UBOX5: variants seen among roughly 807,000 people sequenced by gnomAD.
UBOX5 encodes U-box domain containing 5.
In UBOX5, 28 loss-of-function variants were observed where a neutral mutation model predicts 39.0. The observed-to-expected ratio is 0.72, with a 90% CI of 0.53 to 0.98. UBOX5 has a LOEUF of 0.98. Among genes scored for constraint, UBOX5 ranks in the 50% least tolerant of loss-of-function variants. The probability of loss-of-function intolerance (pLI) is 0.00; values close to 1 mark genes in which losing one functional copy is unlikely to be tolerated. For synonymous variants in UBOX5, 283 were observed against 275.5 expected (o/e 1.03, Z -0.27); for missense variants, 585 against 674.4 (o/e 0.87, Z 1.47).
In UBOX5 at chr20:3,108,811, T is replaced by C. The variant is rs1277426252; in HGVS notation, c.*1295A>G. The stretch of plus-strand genomic sequence containing the variant: ...AGCTGGGCATGGTGGCACATGCCTA[T>C]AGTTCCTGCTACCTGGGAGGCTGAG... On this transcript the variant is annotated 3_prime_UTR_variant, in exon 5 of 5. Transcript: ENST00000217173. The C allele has an allele frequency of 1.3e-5, 2 of 152,138 alleles. No homozygotes were observed. The highest frequency in any genetic ancestry group is 4.8e-5 in the African/African-American group (2 of 41,396). The allele number at this position is 152,138 out of a possible 1,614,324, so 9.4% of individuals were successfully genotyped here.
At chr20:3,110,589 T>G in intron 4 of UBOX5, 2 of 473,626 alleles carry the variant, frequency 4.2e-6, no homozygotes, top group Non-Finnish European at 7.8e-6. Context: ...GACTGGGCCC[T>G]TCCTCCTGGT....
chr20:3,146,625 T>C, intron 1 of UBOX5: 1 of 822,504 alleles, frequency 1.2e-6, no homozygotes, highest in Non-Finnish European at 1.9e-6. Flanking sequence ...CACAGTAACA[T>C]ACACTAGCTC....
At chr20:3,147,267 G>T in intron 1 of UBOX5, 1 of 1,614,184 alleles carries the variant, frequency 6.2e-7, no homozygotes, top group Non-Finnish European at 8.5e-7. Flanking sequence ...CTATTAAATG[G>T]TAATGGCTTC....
At position 3,121,460 on chromosome 20, in the gene UBOX5, G is replaced by C; in HGVS notation, c.1179C>G (p.Pro393=). ...CFSATSPLVL[P]TTSEHTAKKM... is the part of the protein sequence containing the mutation. ...TCTTAGCAGTGTGCTCTGAGGTAGT[G>C]GGTAAGACCAAAGGGCTTGTGGCAG... Residue 393 remains proline (P), a synonymous_variant, in exon 3 of 5, where the codon CCC becomes CCG. Transcript: ENST00000217173. 1 of 1,614,102 alleles carries C rather than the reference G, an allele frequency of 6.2e-7. No homozygotes were observed. Among genetic ancestry groups the C allele is most frequent in the South Asian group, 1.1e-5 (1 of 91,074 alleles).
At chr20:3,133,588 A>T (rs564768906) in intron 1 of UBOX5, among the ~76,000 whole-genome samples, 1 of 151,892 alleles carries the variant, frequency 6.6e-6, no homozygotes, top group Non-Finnish European at 1.5e-5. Context: ...AATAGTAGAC[A>T]CTCTTGTACC....
At chr20:3,119,439 G>A (rs2066317720) in intron 3 of UBOX5, among the ~76,000 whole-genome samples, 2 of 152,244 alleles carry the variant, frequency 1.3e-5, no homozygotes, top group African/African-American at 2.4e-5. Flanking sequence ...GCCAAGTTAC[G>A]CTGGGATTTG....
At position 3,122,588 on chromosome 20, in the gene UBOX5, G is replaced by C; in HGVS notation, c.55-4C>G. On this transcript the variant is annotated splice_region_variant and splice_polypyrimidine_tract_variant and intron_variant, in intron 2 of 4. Coordinates refer to ENST00000217173, the MANE Select transcript of UBOX5 (RefSeq NM_014948.4). ...CTTCGTAACCATCAGCTGATATCTAGATTTAATAAAAAACACAAGATACAA... is the reference window on the plus strand; with the variant it reads ...CTTCGTAACCATCAGCTGATATCTACATTTAATAAAAAACACAAGATACAA... 3 of 1,551,986 alleles carry C rather than the reference G, an allele frequency of 1.9e-6. No homozygotes were observed. The highest frequency in any genetic ancestry group is 2.3e-5 in the East Asian group (1 of 44,244).
rs745796395 is a variant in UBOX5 at position 3,110,159 on chromosome 20, T to C, written c.1573A>G (p.Thr525Ala). 3.1e-6 allele frequency: 5 copies of C among 1,613,168 alleles called. No homozygotes were observed. Among genetic ancestry groups the C allele is most frequent in the Non-Finnish European group, 4.2e-6 (5 of 1,180,024 alleles). The change falls in exon 5 of 5, where the codon ACA (threonine) becomes GCA (alanine). Residue 525 changes from threonine (T) to alanine (A), a missense_variant. Transcript: ENST00000217173. The stretch of plus-strand genomic sequence containing the variant: ...CTAGCAACCGGCCGCTGGCAGGCTG[T>C]GCACGTCATGGGCAGGGAGCGTTGC... The part of the protein sequence containing the change: ...EKQRSLPMTC[T>A]ACQRPVASQD...
rs776540275 is a variant in UBOX5 at position 3,122,333 on chromosome 20, C to T, written c.306G>A (p.Leu102=). The change falls in exon 3 of 5, where the codon CTG becomes CTA. Residue 102 remains leucine (L), a synonymous_variant. Transcript: ENST00000217173. ...VSWNTPQCRT[L]GPAEPSVPDK... is the part of the protein sequence containing the mutation. ...CTGGGACAGATGGCTCAGCTGGGCC[C>T]AGGGTCCGGCACTGGGGCGTATTCC... 6.2e-7 allele frequency: 1 copy of T among 1,614,192 alleles called. No individual in the cohort carries two copies. The highest frequency in any genetic ancestry group is 1.1e-5 in the South Asian group (1 of 91,086).
chr20:3,109,124 G>C lies in UBOX5; in HGVS notation c.*982C>G, dbSNP rs933496606. The C allele has an allele frequency of 6.6e-6, 1 of 152,108 alleles. No homozygotes were observed. Among genetic ancestry groups the C allele is most frequent in the Non-Finnish European group, 1.5e-5 (1 of 68,026 alleles). 9.4% of individuals were successfully genotyped at this position (152,108 alleles called of 1,614,324 possible). Reference sequence around the variant, plus strand: ...GTTCCTTCCCAAACGTGCTTAGAAGGGAACAGGGAAAGGCGGGTGTGTTTT... The same window carrying C: ...GTTCCTTCCCAAACGTGCTTAGAAGCGAACAGGGAAAGGCGGGTGTGTTTT... On this transcript the variant is annotated 3_prime_UTR_variant, in exon 5 of 5. Transcript: ENST00000217173.
At chr20:3,137,081 A>G (rs1309793093) in intron 1 of UBOX5, among the ~76,000 whole-genome samples, 1 of 151,956 alleles carries the variant, frequency 6.6e-6, no homozygotes, top group Non-Finnish European at 1.5e-5. Flanking sequence ...CCAAGTAGGT[A>G]GGACTACAGG....
At chr20:3,145,912 G>A (rs777773939) in intron 1 of UBOX5, among the ~76,000 whole-genome samples, 1 of 152,100 alleles carries the variant, frequency 6.6e-6, no homozygotes, top group African/African-American at 2.4e-5. Flanking sequence ...TGGGCGTGGT[G>A]GTGGGCGCCT....
At chr20:3,139,464 A>C (rs1356101411) in intron 1 of UBOX5, among the ~76,000 whole-genome samples, 1 of 152,120 alleles carries the variant, frequency 6.6e-6, no homozygotes, top group Non-Finnish European at 1.5e-5. Flanking sequence ...ATCTCGGCTC[A>C]CTGCAACCTC....
rs911370456 is a variant in UBOX5, at chr20:3,122,106, G to C, written c.533C>G (p.Thr178Ser). 2 of 1,614,238 alleles carry C rather than the reference G, an allele frequency of 1.2e-6. No individual in the cohort carries two copies. The highest frequency in any genetic ancestry group is 1.3e-5 in the African/African-American group (1 of 75,066). Residue 178 changes from threonine (T) to serine (S), a missense_variant, in exon 3 of 5, where the codon ACC (threonine) becomes AGC (serine). Transcript: ENST00000217173. ...AGGGATACCGCCGCCTGTCACATGG[G>C]TGATACAGATCCTTAAGTGGGCCAC... Reference protein sequence around the residue: ...SHVAHLRICITHVTGGGIPCI... With the variant: ...SHVAHLRICISHVTGGGIPCI...
chr20:3,128,272 G>A (rs963860067), intron 1 of UBOX5, among the ~76,000 whole-genome samples: 1 of 152,050 alleles, frequency 6.6e-6, no homozygotes, highest in African/African-American at 2.4e-5. Flanking sequence ...GCTTCCTGTC[G>A]GTTTGTTTTA....
chr20:3,114,508 T>C (rs547780391), intron 4 of UBOX5, among the ~76,000 whole-genome samples: 4 of 152,214 alleles, frequency 2.6e-5, no homozygotes, highest in African/African-American at 7.2e-5. Context: ...TTAGGCAAAA[T>C]TGGCCCATAA....
intron 1 of UBOX5, among the ~76,000 whole-genome samples, chr20:3,159,207 A>C (rs553111294): frequency 6.6e-6 from 1 of 152,340 alleles, no homozygotes; most frequent in Non-Finnish European, 1.5e-5. Context: ...AGAAACTGCT[A>C]AAAATGGGGG....
chr20:3,152,459 G>GC (rs1355749093), intron 1 of UBOX5, among the ~76,000 whole-genome samples: 8 of 150,360 alleles, frequency 5.3e-5, no homozygotes, highest in African/African-American at 2.0e-4. Flanking sequence ...CTGAGATAGC[G>GC]CCACTGCACT....
At position 3,122,504 on chromosome 20, in the gene UBOX5, A is replaced by G. The variant is rs1474685143; in HGVS notation, c.135T>C (p.Tyr45=). 10 of 1,614,010 alleles carry G rather than the reference A, an allele frequency of 6.2e-6. No individual in the cohort carries two copies. The highest frequency in any genetic ancestry group is 8.5e-6 in the Non-Finnish European group (10 of 1,180,006). ...TKRSHGFRTE[Y]FIKPPVYVTV... ...TCACATAGACTGGTGGCTTAATGAA[A>G]TACTCTGTCCTGAAACCATGACTTC... Residue 45 remains tyrosine (Y), a synonymous_variant, in exon 3 of 5, where the codon TAT becomes TAC. Transcript: ENST00000217173.
Sources: allele counts gnomAD v4.1 joint callset (sites outside exome capture counted in the v4.1 genomes callset), GRCh38; gene constraint gnomAD v4.1.1; transcripts MANE v1.5; gene names NCBI Gene and HGNC (gene_info 2026-07-23, HGNC 2026-07-21).